The following FERMT2 variants were observed in gnomAD, a reference collection of about 807,000 sequenced individuals.
The protein encoded by FERMT2 is FERM domain containing kindlin 2.
In FERMT2, 15 loss-of-function variants were observed where a neutral mutation model predicts 82.7. The ratio of observed to expected loss-of-function variants is 0.18; its 90% confidence interval spans 0.12 to 0.28. The LOEUF (loss-of-function observed/expected upper bound fraction) is 0.28, where lower values mean the gene tolerates loss of function less well. Ranked by LOEUF, FERMT2 falls within the 10% of genes least tolerant of loss-of-function variation. The pLI is 1.00. For synonymous variants in FERMT2, 274 were observed against 271.5 expected, an observed-to-expected ratio of 1.01 and a Z score of -0.09; for missense variants, 645 against 809.4, an observed-to-expected ratio of 0.80 and a Z score of 2.46.
At chr14:52,897,120 T>C (rs1472768330) in intron 3 of FERMT2, among the ~76,000 whole-genome samples, 2 of 152,072 alleles carry the variant, frequency 1.3e-5, no homozygotes, top group Admixed American at 6.5e-5. Context: ...AAATGTGTTC[T>C]TTCAGTACCA....
intron 3 of FERMT2, among the ~76,000 whole-genome samples, chr14:52,915,479 T>C (rs1271513219): frequency 1.3e-5 from 2 of 152,184 alleles, no homozygotes; most frequent in Non-Finnish European, 2.9e-5. Flanking sequence ...CCACACAACA[T>C]GGAATTTTGG....
At chr14:52,923,578 T>A (rs4243592) in intron 2 of FERMT2, among the ~76,000 whole-genome samples, 151,357 of 151,762 alleles carry the variant, frequency 1, 75,479 homozygotes, top group Middle Eastern at 1. Flanking sequence ...TTAAAACCTG[T>A]CCCTCCCCCA....
At position 52,858,426 on chromosome 14, in the gene FERMT2, T is replaced by C. The variant is rs1413848758; in HGVS notation, c.1994A>G (p.Glu665Gly). ...FLSTRAKDQN[E>G]SLDEEMFYKL... is the part of the protein sequence containing the mutation. ...GTAGAACATCTCTTCATCTAAACTC[T>C]CGTTTTGGTCTTTTGCACGTGTTGA... Residue 665 changes from glutamate to glycine, a missense_variant, in exon 15 of 15, where the codon GAG becomes GGG. Coordinates refer to ENST00000341590, the MANE Select transcript of FERMT2 (RefSeq NM_006832.3). 1.9e-6 allele frequency: 3 copies of C among 1,614,216 alleles called. No individual in the cohort carries two copies. The highest frequency in any genetic ancestry group is 1.1e-5 in the South Asian group (1 of 91,080).
In FERMT2 at chr14:52,949,542, A is replaced by G. The variant is rs146377927; in HGVS notation, c.157+870T>C. 2.3e-3 allele frequency among the ~76,000 whole-genome samples: 357 copies of G among 152,284 alleles called. 4 individuals carry two copies. The highest frequency in any genetic ancestry group is 4.6e-3 in the Admixed American group (70 of 15,302). On this transcript the variant is annotated intron_variant, in intron 2 of 14. Coordinates refer to ENST00000341590, the MANE Select transcript of FERMT2 (RefSeq NM_006832.3). ...AAAAGGCTCTTTAAAGCTCAGGAAG[A>G]TAGTTCTCTGAGCATTTCTCTTATG...
At chr14:52,899,523 C>G (rs1434749897) in intron 3 of FERMT2, among the ~76,000 whole-genome samples, 1 of 152,164 alleles carries the variant, frequency 6.6e-6, no homozygotes, top group East Asian at 1.9e-4. Flanking sequence ...ACCTAGTGAT[C>G]TGCCCTCCTC....
chr14:52,882,989 G>A (rs1331667812), intron 4 of FERMT2, among the ~76,000 whole-genome samples: 1 of 152,068 alleles, frequency 6.6e-6, no homozygotes, highest in Non-Finnish European at 1.5e-5. Context: ...CTTGAGGTCA[G>A]GAATTCGAGA....
At chr14:52,944,608 A>G (rs1307246882) in intron 2 of FERMT2, among the ~76,000 whole-genome samples, 2 of 152,246 alleles carry the variant, frequency 1.3e-5, no homozygotes, top group African/African-American at 4.8e-5. Flanking sequence ...TCAATTAATG[A>G]AACTTATTTT....
chr14:52,924,983 C>G (rs1436916650), intron 2 of FERMT2, among the ~76,000 whole-genome samples: 1 of 152,160 alleles, frequency 6.6e-6, no homozygotes, highest in East Asian at 1.9e-4. Context: ...TGAGCCCCCT[C>G]AAACAGGCAA....
At chr14:52,884,330 G>A (rs1303246353) in intron 4 of FERMT2, among the ~76,000 whole-genome samples, 2 of 152,178 alleles carry the variant, frequency 1.3e-5, no homozygotes, top group Admixed American at 6.5e-5. Flanking sequence ...GGGCAGGCGC[G>A]GTGGCTCAAG....
intron 12 of FERMT2, chr14:52,860,950 G>A (rs984569154): frequency 8.4e-7 from 1 of 1,185,426 alleles, no homozygotes; most frequent in African/African-American, 1.6e-5. Flanking sequence ...ATTCCATGAG[G>A]GAAGGTTGTG....
intron 3 of FERMT2, among the ~76,000 whole-genome samples, chr14:52,896,928 G>A (rs905761270): frequency 1.3e-5 from 2 of 151,526 alleles, no homozygotes; most frequent in Non-Finnish European, 2.9e-5. Flanking sequence ...CCTGGAAGCT[G>A]CAGTGAGCCG....
Position 52,881,407 on chromosome 14 carries a change from C to T in FERMT2, c.589G>A (p.Asp197Asn). 1 of 1,613,974 alleles carries T rather than the reference C, an allele frequency of 6.2e-7. No individual in the cohort carries two copies. Residue 197 changes from aspartate to asparagine, a missense_variant, in exon 5 of 15, where the codon GAT (aspartate) becomes AAT (asparagine). Coordinates refer to ENST00000341590, the MANE Select transcript of FERMT2 (RefSeq NM_006832.3). ...GAAGTTGGTGACAAGGGGCTTCCATCATGAGCATCATAAGTGGGGGTCATT... is the reference window on the plus strand; with the variant it reads ...GAAGTTGGTGACAAGGGGCTTCCATTATGAGCATCATAAGTGGGGGTCATT... ...KTMTPTYDAHDGSPLSPTSAW... is the reference protein window; with the variant it reads ...KTMTPTYDAHNGSPLSPTSAW...
chr14:52,929,633 T>C (rs927178592), intron 2 of FERMT2, among the ~76,000 whole-genome samples: 4 of 152,184 alleles, frequency 2.6e-5, no homozygotes, highest in Admixed American at 6.5e-5. Context: ...CCCTTGTACA[T>C]GCTACTCCAC....
intron 2 of FERMT2, among the ~76,000 whole-genome samples, chr14:52,937,486 G>T (rs1889897643): frequency 6.6e-6 from 1 of 152,048 alleles, no homozygotes; most frequent in Admixed American, 6.6e-5. Flanking sequence ...CTTTAAATAA[G>T]GCCAGTTATT....
chr14:52,860,150 C>T (rs1036388579), intron 13 of FERMT2, 191 bp downstream of exon 13: 12 of 552,688 alleles, frequency 2.2e-5, no homozygotes, highest in East Asian at 6.6e-5. Flanking sequence ...AAAACAAACA[C>T]AATTATCTTG....
chr14:52,889,353 C>G (rs1341803791), intron 4 of FERMT2, among the ~76,000 whole-genome samples: 1 of 152,086 alleles, frequency 6.6e-6, no homozygotes, highest in Non-Finnish European at 1.5e-5. Context: ...AAAGGTCTAG[C>G]CTCTGAAAGG....
At chr14:52,925,950 C>T (rs982430004) in intron 2 of FERMT2, among the ~76,000 whole-genome samples, 11 of 152,058 alleles carry the variant, frequency 7.2e-5, no homozygotes, top group Non-Finnish European at 1.5e-4. Flanking sequence ...GGCACAGATG[C>T]GGTAACTCTT....
intron 2 of FERMT2, among the ~76,000 whole-genome samples, chr14:52,944,424 C>T (rs532410056): frequency 2.0e-5 from 3 of 152,210 alleles, no homozygotes; most frequent in Non-Finnish European, 4.4e-5. Flanking sequence ...AGGCACCATT[C>T]CACCAAATAA....
At position 52,884,783 on chromosome 14, in the gene FERMT2, C is replaced by T. The variant is rs180915730; in HGVS notation, c.527-3314G>A. On this transcript the variant is annotated intron_variant, in intron 4 of 14. Coordinates refer to ENST00000341590, the MANE Select transcript of FERMT2 (RefSeq NM_006832.3). ...TGGGAGGCCGAGGCAGGCAGATCAC[C>T]TGAGGTCAGGAGTTCAAGACCAGCC... 1.3e-3 allele frequency among the ~76,000 whole-genome samples: 199 copies of T among 151,964 alleles called. 2 individuals are homozygous for T. The highest frequency in any genetic ancestry group is 4.6e-3 in the African/African-American group (190 of 41,454).
Sources: allele counts gnomAD v4.1 joint callset (sites outside exome capture counted in the v4.1 genomes callset), GRCh38; gene constraint gnomAD v4.1.1; transcripts MANE v1.5; gene names NCBI Gene and HGNC (gene_info 2026-07-23, HGNC 2026-07-21).